Variants in TREM1 observed in about 807,000 individuals in gnomAD.
TREM1 encodes triggering receptor expressed on monocytes 1.
In TREM1, 16 loss-of-function variants were observed where a neutral mutation model predicts 22.4. That is an observed-to-expected ratio of 0.71 (90% CI 0.48 to 1.08). The LOEUF (loss-of-function observed/expected upper bound fraction) is 1.08. TREM1 is among the 50% of genes least tolerant of loss of function. The probability of loss-of-function intolerance (pLI) is 0.00; values close to 1 mark genes in which losing one functional copy is unlikely to be tolerated. For synonymous variants in TREM1, 110 were observed against 111.6 expected (o/e 0.99, Z 0.09); for missense variants, 283 against 282.9 (o/e 1.00, Z 0.00).
In TREM1 at chr6:41,281,138, G is replaced by A. The variant is rs1767900357; in HGVS notation, c.422C>T (p.Pro141Leu). 6.2e-6 allele frequency: 10 copies of A among 1,613,600 alleles called. No individual in the cohort carries two copies. Among genetic ancestry groups the A allele is most frequent in the Non-Finnish European group, 7.6e-6 (9 of 1,179,700 alleles). Residue 141 changes from proline (P) to leucine (L), a missense_variant, in exon 3 of 4, where the codon CCT (proline) becomes CTT (leucine). Transcript: ENST00000244709. The stretch of plus-strand genomic sequence containing the variant: ...CTGGGTAGAATTCTCATTGGAGCCA[G>A]GGGTCCCTGAAAAACCTGCAAGAAG... ...LVVTKGFSGT[P>L]GSNENSTQNV...
intron 2 of TREM1, 132 bp from the exon 3 acceptor site, chr6:41,281,285 T>C: frequency 1.9e-6 from 2 of 1,079,124 alleles, no homozygotes; most frequent in Non-Finnish European, 2.6e-6. Context: ...GTACGGTAAA[T>C]GAAGCTGAGG....
At chr6:41,272,934 C>T (rs715862), downstream of TREM1, among the ~76,000 whole-genome samples, 2 of 152,170 alleles carry the variant, frequency 1.3e-5, no homozygotes, top group South Asian at 2.1e-4. Flanking sequence ...CTTTTGGGGG[C>T]ACAGGCCCCA....
chr6:41,269,782 A>G (rs556309718), downstream of TREM1: 33 of 152,302 alleles, frequency 2.2e-4, no homozygotes, highest in African/African-American at 7.9e-4. Context: ...GCTGCCCTCC[A>G]AACAGCCCCT....
chr6:41,276,343 C>T, intron 3 of TREM1, 113 bp from the exon 4 acceptor site: 1 of 763,936 alleles, frequency 1.3e-6, no homozygotes. Context: ...ATCCTTGCTC[C>T]ACCTTTCCCG....
chr6:41,270,988 G>T (rs372161417), downstream of TREM1, among the ~76,000 whole-genome samples: 1 of 152,130 alleles, frequency 6.6e-6, no homozygotes, highest in African/African-American at 2.4e-5. Context: ...TTACAGGTGC[G>T]AGCCATAGCA....
intron 1 of TREM1, among the ~76,000 whole-genome samples, chr6:41,283,718 A>AC (rs879491668): frequency 0.084 from 12,142 of 145,306 alleles, 480 homozygotes; most frequent in South Asian, 0.14. Flanking sequence ...TTAAAAAAAA[A>AC]AACACACACA....
At chr6:41,286,175 G>C (rs1411423472) in intron 1 of TREM1, among the ~76,000 whole-genome samples, 4 of 152,168 alleles carry the variant, frequency 2.6e-5, no homozygotes, top group African/African-American at 9.7e-5. Flanking sequence ...GTCCTCAGCA[G>C]TAGTATATTT....
At chr6:41,279,832 T>C (rs1767833468) in intron 3 of TREM1, 3 of 985,288 alleles carry the variant, frequency 3.0e-6, no homozygotes, top group Non-Finnish European at 2.4e-6. Context: ...CATTGGTAGA[T>C]GCTATTTGTA....
At chr6:41,279,529 A>C (rs756794299) in intron 3 of TREM1, 3 of 984,964 alleles carry the variant, frequency 3.0e-6, no homozygotes, top group Non-Finnish European at 3.6e-6. Flanking sequence ...AAAAAAATTG[A>C]CTCTTAGTAG....
chr6:41,282,134 G>A (rs1421148185), intron 2 of TREM1: 2 of 405,642 alleles, frequency 4.9e-6, no homozygotes, highest in Non-Finnish European at 8.8e-6. Context: ...AACAAAGAAT[G>A]GGACTAAATT....
chr6:41,272,177 G>A (rs1353246358), downstream of TREM1, among the ~76,000 whole-genome samples: 2 of 149,994 alleles, frequency 1.3e-5, no homozygotes, highest in African/African-American at 5.1e-5. Flanking sequence ...GAGGCAGGCT[G>A]GCCACCCTTG....
At chr6:41,267,655 G>C (rs554703825), downstream of TREM1, among the ~76,000 whole-genome samples, 1 of 152,080 alleles carries the variant, frequency 6.6e-6, no homozygotes, top group Non-Finnish European at 1.5e-5. Flanking sequence ...CACTTTGGGA[G>C]GCCAAGGAGG....
At chr6:41,284,946 T>C (rs1461381018) in intron 1 of TREM1, among the ~76,000 whole-genome samples, 2 of 152,192 alleles carry the variant, frequency 1.3e-5, no homozygotes, top group African/African-American at 4.8e-5. Flanking sequence ...GACCAGAGGC[T>C]GAGTGTTGTC....
chr6:41,277,499 G>C (rs995710018), intron 3 of TREM1, among the ~76,000 whole-genome samples: 1 of 152,124 alleles, frequency 6.6e-6, no homozygotes, highest in South Asian at 2.1e-4. Context: ...TGGCTTCCGG[G>C]CTCTGCTCAC....
chr6:41,277,840 C>T (rs1165243467), intron 3 of TREM1, among the ~76,000 whole-genome samples: 1 of 152,012 alleles, frequency 6.6e-6, no homozygotes, highest in Non-Finnish European at 1.5e-5. Flanking sequence ...TGGCTTCCTT[C>T]CCTTCCTGGT....
At chr6:41,272,624 C>T (rs984238643), downstream of TREM1, among the ~76,000 whole-genome samples, 2 of 151,980 alleles carry the variant, frequency 1.3e-5, no homozygotes, top group Non-Finnish European at 2.9e-5. Flanking sequence ...GGTTCTGAGG[C>T]AAGGAGTCCA....
downstream of TREM1, among the ~76,000 whole-genome samples, chr6:41,269,318 C>T (rs1465426371): frequency 2.6e-5 from 4 of 152,132 alleles, no homozygotes; most frequent in Non-Finnish European, 5.9e-5. Context: ...AATAACTGTG[C>T]CTCATCTACT....
At chr6:41,283,496 G>T (rs1768019673) in intron 1 of TREM1, among the ~76,000 whole-genome samples, 1 of 152,076 alleles carries the variant, frequency 6.6e-6, no homozygotes, top group Non-Finnish European at 1.5e-5. Context: ...GATCACCTGA[G>T]GTCGGGAGTT....
intron 2 of TREM1, chr6:41,281,417 G>T: frequency 6.6e-6 from 3 of 457,082 alleles, no homozygotes; most frequent in Non-Finnish European, 3.9e-6. Flanking sequence ...GGAAGTGAGG[G>T]AGAGCAGAAA....
Sources: allele counts gnomAD v4.1 joint callset (sites outside exome capture counted in the v4.1 genomes callset), GRCh38; gene constraint gnomAD v4.1.1; transcripts MANE v1.5; gene names NCBI Gene and HGNC (gene_info 2026-07-23, HGNC 2026-07-21).